The following EYS variants were observed in gnomAD, a reference collection of about 807,000 sequenced individuals.
EYS encodes EGF-like photoreceptor maintenance factor.
Under a neutral mutation model 282.1 loss-of-function variants are expected in EYS, and 250 were observed. The observed-to-expected ratio is 0.89, with a 90% CI of 0.80 to 0.98. EYS has a LOEUF of 0.98. Ranked by LOEUF, EYS falls within the 50% of genes least tolerant of loss-of-function variation. The pLI is 0.00. For synonymous variants in EYS, 1,355 were observed against 1,282.9 expected (o/e 1.06, Z -1.20); for missense variants, 4,016 against 3,709.0 (o/e 1.08, Z -2.15).
chr6:65,308,999 C>T (rs1340704209), intron 11 of EYS, among the ~76,000 whole-genome samples: 3 of 151,892 alleles, frequency 2.0e-5, no homozygotes, highest in African/African-American at 7.3e-5. Flanking sequence ...CAGATGGCTC[C>T]TAATTGTTTA....
At chr6:63,851,907 C>A (rs1281304077) in intron 36 of EYS, among the ~76,000 whole-genome samples, 2 of 152,124 alleles carry the variant, frequency 1.3e-5, no homozygotes, top group African/African-American at 4.8e-5. Flanking sequence ...CCTGTAATCC[C>A]AGCACTTTGG....
intron 31 of EYS, among the ~76,000 whole-genome samples, chr6:64,149,896 C>T (rs570914145): frequency 1.3e-3 from 195 of 152,196 alleles, no homozygotes; most frequent in Non-Finnish European, 2.4e-3. Flanking sequence ...TAATTAATGC[C>T]CTGCCTTCAT....
At chr6:64,461,969 C>T (rs1488449264) in intron 26 of EYS, among the ~76,000 whole-genome samples, 1 of 151,956 alleles carries the variant, frequency 6.6e-6, no homozygotes, top group Non-Finnish European at 1.5e-5. Flanking sequence ...CAATAAATTT[C>T]CCTTCTAGAA....
chr6:65,408,908 C>T (rs1766865083), intron 5 of EYS, among the ~76,000 whole-genome samples: 1 of 152,068 alleles, frequency 6.6e-6, no homozygotes, highest in Non-Finnish European at 1.5e-5. Context: ...ACTGTCTTAG[C>T]TACATTTCAT....
chr6:64,970,149 A>G (rs9453138), intron 14 of EYS, among the ~76,000 whole-genome samples: 1,535 of 104,720 alleles, frequency 0.015, 22 homozygotes, highest in African/African-American at 0.041. Flanking sequence ...TAGAAATACA[A>G]AAAAAAAAAG....
intron 11 of EYS, chr6:65,331,170 T>G: frequency 4.6e-6 from 4 of 866,184 alleles, no homozygotes; most frequent in Non-Finnish European, 5.5e-6. Context: ...ACATGATAAT[T>G]AGTTTCTAAA....
intron 2 of EYS, among the ~76,000 whole-genome samples, chr6:65,609,803 G>C (rs1278499297): frequency 2.0e-5 from 3 of 152,070 alleles, no homozygotes; most frequent in Admixed American, 1.3e-4. Context: ...ATGTTCATAA[G>C]CAAGTTACAT....
chr6:64,206,697 A>G (rs1031673415), intron 31 of EYS, among the ~76,000 whole-genome samples: 15 of 152,218 alleles, frequency 9.9e-5, no homozygotes, highest in Admixed American at 3.9e-4. Context: ...ACACCGTGAC[A>G]GGCTTAACCG....
intron 2 of EYS, among the ~76,000 whole-genome samples, chr6:65,635,004 T>G (rs761628293): frequency 2.0e-5 from 3 of 152,200 alleles, no homozygotes; most frequent in Non-Finnish European, 4.4e-5. Flanking sequence ...AGATGCCATC[T>G]CCTCATATTG....
intron 22 of EYS, among the ~76,000 whole-genome samples, chr6:64,636,283 C>T (rs192961309): frequency 3.5e-3 from 532 of 152,232 alleles, no homozygotes; most frequent in Non-Finnish European, 6.0e-3. Context: ...AGAAATAATG[C>T]CACATATCTA....
At chr6:65,518,716 G>A (rs1767233918) in intron 2 of EYS, among the ~76,000 whole-genome samples, 1 of 152,090 alleles carries the variant, frequency 6.6e-6, no homozygotes, top group Non-Finnish European at 1.5e-5. Context: ...ACCCAAGACT[G>A]GGTAATTTAT....
At chr6:64,613,318 TTGAATTACATGAA>T (rs137865076) in intron 24 of EYS, among the ~76,000 whole-genome samples, 2,276 of 152,136 alleles carry the variant, frequency 0.015, 52 homozygotes, top group African/African-American at 0.053. Flanking sequence ...AAAAGACACA[TTGAATTACATGAA>T]TGAAAGAAAA....
At chr6:63,945,579 C>T (rs1325816830) in intron 35 of EYS, among the ~76,000 whole-genome samples, 4 of 152,182 alleles carry the variant, frequency 2.6e-5, no homozygotes, top group Admixed American at 2.6e-4. Flanking sequence ...TGCAAAAGTA[C>T]ATGCAAATAT....
At chr6:64,272,783 A>G (rs1767986310) in intron 30 of EYS, among the ~76,000 whole-genome samples, 1 of 152,126 alleles carries the variant, frequency 6.6e-6, no homozygotes, top group Admixed American at 6.5e-5. Context: ...CTTATTCAAG[A>G]TATCAATTTA....
chr6:64,688,107 T>C (rs1770226364), intron 22 of EYS, among the ~76,000 whole-genome samples: 1 of 152,128 alleles, frequency 6.6e-6, no homozygotes, highest in Non-Finnish European at 1.5e-5. Context: ...TATTTGATTC[T>C]TCTCTCTTTT....
chr6:65,688,804 C>A (rs899786792), intron 1 of EYS, among the ~76,000 whole-genome samples: 1 of 150,790 alleles, frequency 6.6e-6, no homozygotes, highest in African/African-American at 2.4e-5. Context: ...CAGAGAAATG[C>A]AAATCAAAAC....
intron 19 of EYS, among the ~76,000 whole-genome samples, chr6:64,878,460 G>T (rs1766818029): frequency 2.0e-5 from 3 of 152,072 alleles, no homozygotes. Flanking sequence ...ATTGATAATG[G>T]TGTAAAAAGA....
chr6:64,457,885 A>C (rs985013771), intron 26 of EYS, among the ~76,000 whole-genome samples: 1 of 151,814 alleles, frequency 6.6e-6, no homozygotes. Context: ...TTATAACTGC[A>C]GTTTTCTAGC....
intron 22 of EYS, among the ~76,000 whole-genome samples, chr6:64,755,533 C>T (rs1338781417): frequency 6.6e-6 from 1 of 151,000 alleles, no homozygotes; most frequent in Non-Finnish European, 1.5e-5. Context: ...CACACACACA[C>T]ACACACACAC....
Sources: gnomAD v4.1 joint callset for allele counts (sites outside exome capture counted in the v4.1 genomes callset) on GRCh38, gnomAD v4.1.1 for gene constraint, MANE v1.5 for transcripts, NCBI Gene and HGNC (gene_info 2026-07-23, HGNC 2026-07-21) for gene names.